EMILIN2: variants seen among roughly 807,000 people sequenced by gnomAD.
EMILIN2 encodes the protein EMILIN-2.
In EMILIN2, 71 loss-of-function variants were observed where a neutral mutation model predicts 87.1. The observed-to-expected ratio is 0.82, with a 90% CI of 0.67 to 0.99. The LOEUF is 0.99. Among genes scored for constraint, EMILIN2 ranks in the 50% least tolerant of loss-of-function variants. EMILIN2 has a pLI of 0.00. For synonymous variants in EMILIN2, 581 were observed against 563.4 expected (o/e 1.03, Z -0.44); for missense variants, 1,407 against 1,371.8 (o/e 1.03, Z -0.40).
chr18:2,907,204 G>T (rs909319817), intron 5 of EMILIN2, 119 bp downstream of exon 5: 67 of 1,091,104 alleles, frequency 6.1e-5, no homozygotes, highest in Non-Finnish European at 7.8e-5. Context: ...GGCAAGTTCC[G>T]AAATGCAGCT....
At chr18:2,862,551 T>G (rs1437312009) in intron 2 of EMILIN2, among the ~76,000 whole-genome samples, 1 of 152,250 alleles carries the variant, frequency 6.6e-6, no homozygotes, top group African/African-American at 2.4e-5. Flanking sequence ...GAACCAGCCT[T>G]GCATCCCAGG....
Position 2,858,589 on chromosome 18 carries a change from A to G in EMILIN2, c.257+10658A>G, listed in dbSNP as rs1250039183. Among the ~76,000 whole-genome samples, 208 of 104,560 alleles carry G rather than the reference A, an allele frequency of 2.0e-3. 21 individuals carry two copies. The highest frequency in any genetic ancestry group is 0.012 in the African/African-American group (199 of 17,030). 68.6% of individuals were successfully genotyped at this position (104,560 alleles called of 152,430 possible). A position where few individuals can be genotyped will look rare whatever the true frequency, so the allele number is the denominator to read the frequency against. ...TATATATGTGTGTGTGTGTGTATAT[A>G]TATATATATATATGTGTATATATAT... On this transcript the variant is annotated intron_variant, in intron 2 of 7. Coordinates refer to ENST00000254528, the MANE Select transcript of EMILIN2 (RefSeq NM_032048.3).
At chr18:2,863,396 T>A (rs2076670959) in intron 2 of EMILIN2, among the ~76,000 whole-genome samples, 1 of 152,212 alleles carries the variant, frequency 6.6e-6, no homozygotes, top group African/African-American at 2.4e-5. Context: ...TTTAAATGTG[T>A]CCCAGAGATT....
At chr18:2,888,349 T>G (rs1296146380) in intron 3 of EMILIN2, among the ~76,000 whole-genome samples, 2 of 152,204 alleles carry the variant, frequency 1.3e-5, no homozygotes, top group African/African-American at 2.4e-5. Context: ...GCCCTTTGTT[T>G]TTATTTCCTT....
rs149396448 is a variant in EMILIN2, at chr18:2,881,073, C to T, written c.258-3891C>T. ...AGCTGGCTACTGTCTTAGTGGGAAC[C>T]CCTTTCTGCTGGGAAAATCCCAGTA... On this transcript the variant is annotated intron_variant, in intron 2 of 7. Coordinates refer to ENST00000254528, the MANE Select transcript of EMILIN2 (RefSeq NM_032048.3). Among the ~76,000 whole-genome samples the T allele has an allele frequency of 9.9e-5, 15 of 152,264 alleles. No homozygotes were observed. The East Asian group carries it at 2.9e-3, about 29-fold the overall frequency.
chr18:2,881,561 C>T (rs2076776819), intron 2 of EMILIN2, among the ~76,000 whole-genome samples: 1 of 152,230 alleles, frequency 6.6e-6, no homozygotes, highest in South Asian at 2.1e-4. Flanking sequence ...ACAGAGGTCA[C>T]AGCCCGCTGC....
At position 2,848,593 on chromosome 18, in the gene EMILIN2, T is replaced by TAAA. The variant is rs35023532; in HGVS notation, c.257+675_257+677dup. On this transcript the variant is annotated intron_variant, in intron 2 of 7. Transcript: ENST00000254528. The surrounding 1 kb of genome is among the most constrained non-coding windows in gnomAD (Gnocchi z 4.1). The stretch of plus-strand genomic sequence containing the variant: ...TTTGCTTATAAAGATTTCCCCATCT[T>TAAA]AAAAAAAAAAAAAAACAGGAAGCAA... Among the ~76,000 whole-genome samples the TAAA allele has an allele frequency of 9.3e-5, 13 of 140,492 alleles. No homozygotes were observed. Among genetic ancestry groups the TAAA allele is most frequent in the South Asian group, 4.6e-4 (2 of 4,344 alleles). 92.2% of individuals were successfully genotyped at this position (140,492 alleles called of 152,430 possible).
Position 2,913,646 on chromosome 18 carries a change from C to CCTTTTT in EMILIN2, c.*242_*243insCTTTTT. 2.9e-6 allele frequency: 1 copy of CCTTTTT among 339,012 alleles called. No homozygotes were observed. 21.0% of individuals were successfully genotyped at this position (339,012 alleles called of 1,614,324 possible). On this transcript the variant is annotated 3_prime_UTR_variant, in exon 8 of 8. Coordinates refer to ENST00000254528, the MANE Select transcript of EMILIN2 (RefSeq NM_032048.3). Reference sequence around the variant, plus strand: ...CCACTCTAACTGGACAACTGGAAGACTTGGAAAGGCCTCCACCTGTATCTA... The same window carrying CCTTTTT: ...CCACTCTAACTGGACAACTGGAAGACCTTTTTTTGGAAAGGCCTCCACCTGTATCTA...
chr18:2,847,378 T>C lies in EMILIN2; in HGVS notation c.134+56T>C, dbSNP rs780508060. ...CCGCCTACCCCTCCCCGGCCCCCAG[T>C]TGAGCCCCAGAGCTGCCCTGCCAAA... On this transcript the variant is annotated intron_variant, in intron 1 of 7. Transcript: ENST00000254528. The surrounding 1 kb of genome is among the most constrained non-coding windows in gnomAD (Gnocchi z 4.5). 1 of 1,250,534 alleles carries C rather than the reference T, an allele frequency of 8.0e-7. No homozygotes were observed. The highest frequency in any genetic ancestry group is 1.0e-6 in the Non-Finnish European group (1 of 993,752). The allele number at this position is 1,250,534 out of a possible 1,614,324, so 77.5% of individuals were successfully genotyped here. A position where few individuals can be genotyped will look rare whatever the true frequency, so the allele number is the denominator to read the frequency against.
chr18:2,890,838 C>T lies in EMILIN2; in HGVS notation c.711C>T (p.Thr237=). 1 of 1,613,862 alleles carries T rather than the reference C, an allele frequency of 6.2e-7. No individual in the cohort carries two copies. Among genetic ancestry groups the T allele is most frequent in the East Asian group, 2.2e-5 (1 of 44,882 alleles). ...GCAGCCAGCACCCCAAGCCTGACACCACTGTTAGTGGAGACACAGAAACGG... is the reference window on the plus strand; with the variant it reads ...GCAGCCAGCACCCCAAGCCTGACACTACTGTTAGTGGAGACACAGAAACGG... ...GLSSQHPKPD[T]TVSGDTETGQ... is the part of the protein sequence containing the mutation. Residue 237 remains threonine (T), a synonymous_variant, in exon 4 of 8, where the codon ACC becomes ACT. Coordinates refer to ENST00000254528, the MANE Select transcript of EMILIN2 (RefSeq NM_032048.3). This position sits in a 1 kb window ranked among gnomAD's most constrained non-coding sequence, Gnocchi z 4.7.
chr18:2,876,596 CTCTACTAA>C (rs1475314724), intron 2 of EMILIN2, among the ~76,000 whole-genome samples: 1 of 136,390 alleles, frequency 7.3e-6, no homozygotes, highest in Non-Finnish European at 1.6e-5. Context: ...GAAACCCCGT[CTCTACTAA>C]AAATACAAAA....
Position 2,913,646 on chromosome 18 carries a change from C to T in EMILIN2, c.*242C>T. On this transcript the variant is annotated 3_prime_UTR_variant, in exon 8 of 8. Transcript: ENST00000254528. ...CCACTCTAACTGGACAACTGGAAGA[C>T]TTGGAAAGGCCTCCACCTGTATCTA... The T allele has an allele frequency of 3.2e-5, 11 of 338,968 alleles. No individual in the cohort carries two copies. Among genetic ancestry groups the T allele is most frequent in the South Asian group, 2.2e-4 (2 of 9,130 alleles). The allele number at this position is 338,968 out of a possible 1,614,324, so 21.0% of individuals were successfully genotyped here. A position where few individuals can be genotyped will look rare whatever the true frequency, so the allele number is the denominator to read the frequency against.
At chr18:2,889,698 T>TC (rs1007305419) in intron 3 of EMILIN2, among the ~76,000 whole-genome samples, 4 of 146,584 alleles carry the variant, frequency 2.7e-5, no homozygotes, top group African/African-American at 1.0e-4. Context: ...TTTTCTTTTT[T>TC]TTTTTTTTTT....
At position 2,853,779 on chromosome 18, in the gene EMILIN2, A is replaced by T. The variant is rs544902950; in HGVS notation, c.257+5848A>T. Among the ~76,000 whole-genome samples the T allele has an allele frequency of 2.0e-5, 3 of 152,312 alleles. No individual in the cohort carries two copies. The East Asian group carries it at 5.8e-4, about 29-fold the overall frequency. ...TGAGCACCCTGAGGGTGCATGTGTG[A>T]TGCCTACCGCAGCGGGTGCTGCATT... On this transcript the variant is annotated intron_variant, in intron 2 of 7. Coordinates refer to ENST00000254528, the MANE Select transcript of EMILIN2 (RefSeq NM_032048.3).
chr18:2,859,314 C>A (rs1273883724), intron 2 of EMILIN2, among the ~76,000 whole-genome samples: 1 of 152,098 alleles, frequency 6.6e-6, no homozygotes, highest in Non-Finnish European at 1.5e-5. Context: ...TTTCCCTGAT[C>A]ATTAGTAATG....
chr18:2,847,201 AGACGGCCCT>A lies in EMILIN2; in HGVS notation c.15_23del (p.Arg6_Trp8del). 8.3e-7 allele frequency: 1 copy of A among 1,201,488 alleles called. No individual in the cohort carries two copies. The highest frequency in any genetic ancestry group is 1.0e-6 in the Non-Finnish European group (1 of 970,160). 74.4% of individuals were successfully genotyped at this position (1,201,488 alleles called of 1,614,324 possible). A position where few individuals can be genotyped will look rare whatever the true frequency, so the allele number is the denominator to read the frequency against. ...CGCTGCGCGCGGGATGTGGCAGCCCAGACGGCCCTGGCCCCGCGTGCCCTGGCGCTGGGC... is the reference window on the plus strand; with the variant it reads ...CGCTGCGCGCGGGATGTGGCAGCCCAGGCCCCGCGTGCCCTGGCGCTGGGC... On this transcript the variant is annotated inframe_deletion, in exon 1 of 8. Transcript: ENST00000254528. The surrounding 1 kb of genome is among the most constrained non-coding windows in gnomAD (Gnocchi z 4.5).
chr18:2,859,331 ATTTTTTCATATGTTTTT>A (rs2076649338), intron 2 of EMILIN2, among the ~76,000 whole-genome samples: 1 of 151,824 alleles, frequency 6.6e-6, no homozygotes, highest in South Asian at 2.1e-4. Context: ...AATGTTGAGG[ATTTTTTCATATGTTTTT>A]TGGCCATTTG....
At position 2,847,660 on chromosome 18, in the gene EMILIN2, G is replaced by C; in HGVS notation, c.135-149G>C. On this transcript the variant is annotated intron_variant, in intron 1 of 7. Coordinates refer to ENST00000254528, the MANE Select transcript of EMILIN2 (RefSeq NM_032048.3). The surrounding 1 kb of genome is among the most constrained non-coding windows in gnomAD (Gnocchi z 4.5). ...CCAGAGGCGCACCCGGGCACCCTCC[G>C]GCGTCTGCTCGGTGAAGCTCCCGCC... The C allele has an allele frequency of 7.7e-7, 1 of 1,304,644 alleles. No individual in the cohort carries two copies. 80.8% of individuals were successfully genotyped at this position (1,304,644 alleles called of 1,614,324 possible). A position where few individuals can be genotyped will look rare whatever the true frequency, so the allele number is the denominator to read the frequency against.
At position 2,890,687 on chromosome 18, in the gene EMILIN2, T is replaced by C. The variant is rs1401697621; in HGVS notation, c.560T>C (p.Leu187Pro). The change falls in exon 4 of 8, where the codon CTA becomes CCA. Residue 187 changes from leucine (L) to proline (P), a missense_variant. Coordinates refer to ENST00000254528, the MANE Select transcript of EMILIN2 (RefSeq NM_032048.3). This position sits in a 1 kb window ranked among gnomAD's most constrained non-coding sequence, Gnocchi z 4.7. ...QELQEKKIQV[L>P]EEKVLRLTRT... ...CTTCAGGAAAAGAAGATACAGGTGC[T>C]AGAGGAGAAGGTTCTTCGACTCACA... is the stretch of plus-strand genomic sequence containing the variant. The C allele has an allele frequency of 2.5e-6, 4 of 1,614,032 alleles. No individual in the cohort carries two copies. Among genetic ancestry groups the C allele is most frequent in the East Asian group, 2.2e-5 (1 of 44,896 alleles).
Sources: allele counts gnomAD v4.1 joint callset (sites outside exome capture counted in the v4.1 genomes callset), GRCh38; gene constraint gnomAD v4.1.1; non-coding constraint Gnocchi (gnomAD v3.1); transcripts MANE v1.5; gene names NCBI Gene and HGNC (gene_info 2026-07-23, HGNC 2026-07-21).